Variants in RYR2 observed in about 807,000 individuals in gnomAD.
RYR2 encodes cardiac muscle ryanodine receptor-calcium release channel.
RYR2 carries 227 observed loss-of-function variants against 601.1 expected under a neutral mutation model. The ratio of observed to expected loss-of-function variants is 0.38; its 90% CI spans 0.34 to 0.42. The LOEUF (loss-of-function observed/expected upper bound fraction) is 0.42, where lower values mean the gene tolerates loss of function less well. RYR2 is among the 10% of genes least tolerant of loss of function. The probability of loss-of-function intolerance (pLI) is 1.00; values close to 1 mark genes in which losing one functional copy is unlikely to be tolerated. For synonymous variants in RYR2, 2,223 were observed against 2,175.1 expected, an observed-to-expected ratio of 1.02 and a Z score of -0.61; for missense variants, 4,646 against 6,156.5, an observed-to-expected ratio of 0.75 and a Z score of 8.21.
intron 1 of RYR2, among the ~76,000 whole-genome samples, chr1:237,168,521 T>C (rs553316350): frequency 6.6e-6 from 1 of 152,232 alleles, no homozygotes; most frequent in South Asian, 2.1e-4. Context: ...CCAAGCCTTC[T>C]GTTGTTCTAT....
intron 14 of RYR2, among the ~76,000 whole-genome samples, chr1:237,452,499 G>T (rs1658311734): frequency 1.4e-5 from 2 of 141,964 alleles, no homozygotes; most frequent in Admixed American, 7.3e-5. Context: ...TATATATAAT[G>T]TATAACAAAT....
At chr1:237,560,927 A>C in intron 27 of RYR2, among the ~76,000 whole-genome samples, 1 of 152,328 alleles carries the variant, frequency 6.6e-6, no homozygotes, top group South Asian at 2.1e-4. Context: ...TGTTCGGTGC[A>C]TGTGTTTTCT....
At chr1:237,674,072 G>T in intron 58 of RYR2, 24 bp from the exon 59 acceptor site, 1 of 1,599,410 alleles carries the variant, frequency 6.3e-7, no homozygotes, top group Non-Finnish European at 8.6e-7. Context: ...ACTATGCTGT[G>T]TTCTTGTCCT....
At chr1:237,701,173 T>C (rs1029782868) in intron 65 of RYR2, among the ~76,000 whole-genome samples, 3 of 152,248 alleles carry the variant, frequency 2.0e-5, no homozygotes, top group Admixed American at 6.5e-5. Context: ...CAAAAACTGC[T>C]GAGTTACTCA....
At chr1:237,699,437 T>C (rs1441421671) in intron 64 of RYR2, among the ~76,000 whole-genome samples, 1 of 152,024 alleles carries the variant, frequency 6.6e-6, no homozygotes, top group Non-Finnish European at 1.5e-5. Flanking sequence ...TAAGATTGCA[T>C]ACTAAGTGTG....
At chr1:237,449,690 C>T (rs1423878361) in intron 14 of RYR2, among the ~76,000 whole-genome samples, 1 of 151,890 alleles carries the variant, frequency 6.6e-6, no homozygotes, top group Non-Finnish European at 1.5e-5. Flanking sequence ...TTTTGTACAA[C>T]TGAAAATGTG....
At chr1:237,525,604 C>T (rs1169186221) in intron 24 of RYR2, among the ~76,000 whole-genome samples, 1 of 151,980 alleles carries the variant, frequency 6.6e-6, no homozygotes, top group Admixed American at 6.5e-5. Context: ...GTGTCCACCA[C>T]CACGCCTGGC....
At chr1:237,613,932 A>G (rs781503691) in intron 36 of RYR2, 107 bp from the exon 37 acceptor site, 141 of 1,041,350 alleles carry the variant, frequency 1.4e-4, no homozygotes, top group Non-Finnish European at 1.9e-4. Context: ...GTCTATTCCC[A>G]TAACTTTTTT....
chr1:237,783,338 T>C (rs1695280296), intron 89 of RYR2, among the ~76,000 whole-genome samples: 1 of 152,140 alleles, frequency 6.6e-6, no homozygotes, highest in Non-Finnish European at 1.5e-5. Context: ...GAGCAAATGT[T>C]TATTTTTATT....
chr1:237,797,161 G>A (rs575596321), intron 96 of RYR2, among the ~76,000 whole-genome samples: 1 of 152,116 alleles, frequency 6.6e-6, no homozygotes, highest in African/African-American at 2.4e-5. Flanking sequence ...CCCAGAGTTG[G>A]ACATAACTGA....
intron 1 of RYR2, among the ~76,000 whole-genome samples, chr1:237,177,563 G>A (rs1366174524): frequency 6.6e-6 from 1 of 152,038 alleles, no homozygotes; most frequent in Non-Finnish European, 1.5e-5. Context: ...GTATTCTATT[G>A]CAACCTGCTA....
chr1:237,355,921 G>GTATTTGT, intron 3 of RYR2, 44 bp from the exon 4 acceptor site: 7 of 1,538,854 alleles, frequency 4.5e-6, no homozygotes, highest in Non-Finnish European at 6.2e-6. Flanking sequence ...ACATTGCTAG[G>GTATTTGT]TATTTGTTTG....
At chr1:237,338,480 A>G (rs764767619) in intron 3 of RYR2, among the ~76,000 whole-genome samples, 1 of 152,188 alleles carries the variant, frequency 6.6e-6, no homozygotes. Flanking sequence ...AAAAATAACT[A>G]AAAAAATGAG....
intron 96 of RYR2, among the ~76,000 whole-genome samples, chr1:237,795,844 A>ATATATATATATG (rs1553329322): frequency 8.8e-6 from 1 of 114,218 alleles, no homozygotes; most frequent in African/African-American, 4.5e-5. Flanking sequence ...GTGTATATAT[A>ATATATATATATG]TATATGTATA....
chr1:237,791,650 C>T, intron 93 of RYR2, 135 bp downstream of exon 93: 1 of 606,866 alleles, frequency 1.6e-6, no homozygotes. Context: ...TGCCTAGGCA[C>T]TGATATCACT....
chr1:237,619,393 T>C (rs1236570514), intron 38 of RYR2, among the ~76,000 whole-genome samples: 3 of 152,056 alleles, frequency 2.0e-5, no homozygotes, highest in East Asian at 1.9e-4. Flanking sequence ...TAAAACTCAA[T>C]GAATAGGCTT....
chr1:237,596,148 G>T (rs562757307), intron 34 of RYR2, among the ~76,000 whole-genome samples: 1 of 152,200 alleles, frequency 6.6e-6, no homozygotes, highest in African/African-American at 2.4e-5. Context: ...GCGAATGGAA[G>T]GAAACATGAC....
chr1:237,222,887 G>A (rs1302567641), intron 1 of RYR2, among the ~76,000 whole-genome samples: 2 of 152,138 alleles, frequency 1.3e-5, no homozygotes, highest in East Asian at 3.9e-4. Context: ...CCAACATAGA[G>A]AAACCCTGTC....
Position 237,593,588 on chromosome 1 carries a change from G to A in RYR2, c.4388G>A (p.Arg1463His), listed in dbSNP as rs753707154. Residue 1463 changes from arginine to histidine, a missense_variant, in exon 33 of 105, where the codon CGC becomes CAC. Coordinates refer to ENST00000366574, the MANE Select transcript of RYR2 (RefSeq NM_001035.3). ...ACAGGCTTTGACTTGGACAGAGTTCGCACAGTAACAGTTACTCTAGGAGAT... is the reference window on the plus strand; with the variant it reads ...ACAGGCTTTGACTTGGACAGAGTTCACACAGTAACAGTTACTCTAGGAGAT... Reference protein sequence around the residue: ...YDTGFDLDRVRTVTVTLGDEK... With the variant: ...YDTGFDLDRVHTVTVTLGDEK... 33 of 1,613,734 alleles carry A rather than the reference G, an allele frequency of 2.0e-5. 3 individuals carry two copies. The highest frequency in any genetic ancestry group is 2.0e-4 in the South Asian group (18 of 91,068).
Sources: gnomAD v4.1 joint callset for allele counts (sites outside exome capture counted in the v4.1 genomes callset) on GRCh38, gnomAD v4.1.1 for gene constraint, MANE v1.5 for transcripts, NCBI Gene and HGNC (gene_info 2026-07-23, HGNC 2026-07-21) for gene names.